The following CACNA1D variants were observed in gnomAD, a reference collection of about 807,000 sequenced individuals.
CACNA1D encodes the protein calcium voltage-gated channel subunit alpha1 D, also known as voltage-dependent L-type calcium channel subunit alpha-1D.
Under a neutral mutation model 257.1 loss-of-function variants are expected in CACNA1D, and 55 were observed. That is an observed-to-expected ratio of 0.21 (90% CI 0.17 to 0.27). The LOEUF (loss-of-function observed/expected upper bound fraction) is 0.27, where lower values mean the gene tolerates loss of function less well. Among genes scored for constraint, CACNA1D ranks in the 10% least tolerant of loss-of-function variants. The pLI is 1.00. For synonymous variants in CACNA1D, 980 were observed against 1,014.9 expected, an observed-to-expected ratio of 0.97 and a Z score of 0.65; for missense variants, 1,876 against 2,784.0, an observed-to-expected ratio of 0.67 and a Z score of 7.34.
chr3:53,676,329 C>T (rs1409392917), intron 8 of CACNA1D, among the ~76,000 whole-genome samples: 2 of 151,978 alleles, frequency 1.3e-5, no homozygotes, highest in African/African-American at 4.8e-5. Context: ...CTCTTACTTT[C>T]CCATTGATAT....
At chr3:53,738,057 G>T (rs79926124) in intron 20 of CACNA1D, among the ~76,000 whole-genome samples, 2 of 152,182 alleles carry the variant, frequency 1.3e-5, no homozygotes, top group African/African-American at 4.8e-5. Flanking sequence ...AGATATTATC[G>T]TGCAGTTTCA....
Position 53,780,022 on chromosome 3 carries a change from A to G in CACNA1D, c.4588-4A>G, listed in dbSNP as rs1038447452. The G allele has an allele frequency of 1.9e-6, 3 of 1,600,930 alleles. No homozygotes were observed. The highest frequency in any genetic ancestry group is 2.6e-6 in the Non-Finnish European group (3 of 1,167,952). ...TACAAAGAAACCTTCCTTTCTGTTT[A>G]CAGAGATTAGTTGCCATGAACATGC... On this transcript the variant is annotated splice_polypyrimidine_tract_variant and splice_region_variant and intron_variant, in intron 37 of 47. Coordinates refer to ENST00000350061, the MANE Select transcript of CACNA1D (RefSeq NM_001128840.3).
At chr3:53,718,482 G>T in intron 10 of CACNA1D, 94 bp downstream of exon 10, 1 of 1,230,888 alleles carries the variant, frequency 8.1e-7, no homozygotes. Context: ...AGAGCCCCGG[G>T]CCATCGCCTT....
chr3:53,774,134 A>G lies in CACNA1D; in HGVS notation c.4111-453A>G, dbSNP rs1243836215. ...ATGCTGTCACCCTGCTCCTATGCAC[A>G]TGGTGCTCCCTCCACCCGAAACACT... On this transcript the variant is annotated intron_variant, in intron 33 of 47. Coordinates refer to ENST00000350061, the MANE Select transcript of CACNA1D (RefSeq NM_001128840.3). The surrounding 1 kb of genome is among the most constrained non-coding windows in gnomAD (Gnocchi z 4.3). 4.8e-6 allele frequency: 1 copy of G among 209,132 alleles called. No individual in the cohort carries two copies. The highest frequency in any genetic ancestry group is 9.8e-6 in the Non-Finnish European group (1 of 102,548). 13.0% of individuals were successfully genotyped at this position (209,132 alleles called of 1,614,324 possible).
intron 8 of CACNA1D, among the ~76,000 whole-genome samples, chr3:53,684,338 A>G (rs569543216): frequency 4.2e-4 from 64 of 152,306 alleles, no homozygotes; most frequent in Non-Finnish European, 7.8e-4. Context: ...AACGAGGAGC[A>G]TGGCCGGGCA....
chr3:53,670,598 G>A (rs934013026), intron 7 of CACNA1D, among the ~76,000 whole-genome samples: 1 of 152,176 alleles, frequency 6.6e-6, no homozygotes, highest in African/African-American at 2.4e-5. Flanking sequence ...ACCTGCCTTG[G>A]CCTCCCAAAG....
chr3:53,812,702 T>C lies in CACNA1D; in HGVS notation c.*1296T>C, dbSNP rs2095605938. 1 of 152,262 alleles carries C rather than the reference T, an allele frequency of 6.6e-6. No homozygotes were observed. Among genetic ancestry groups the C allele is most frequent in the Non-Finnish European group, 1.5e-5 (1 of 68,064 alleles). 9.4% of individuals were successfully genotyped at this position (152,262 alleles called of 1,614,324 possible). A position where few individuals can be genotyped will look rare whatever the true frequency, so the allele number is the denominator to read the frequency against. On this transcript the variant is annotated 3_prime_UTR_variant, in exon 48 of 48. Transcript: ENST00000350061. ...CCCAGGGTGTTTTTTGCATCGCTGG[T>C]GCAGAAATGCATAGGTGGATGAGAT...
intron 3 of CACNA1D, among the ~76,000 whole-genome samples, chr3:53,588,651 G>A (rs1013995437): frequency 7.2e-5 from 11 of 152,154 alleles, no homozygotes; most frequent in African/African-American, 2.7e-4. Context: ...CAAAGGCCCT[G>A]GTGAGGATGT....
chr3:53,783,825 A>G (rs2095438766), intron 39 of CACNA1D, among the ~76,000 whole-genome samples: 1 of 152,196 alleles, frequency 6.6e-6, no homozygotes, highest in Admixed American at 6.5e-5. Context: ...GGATATTTGC[A>G]TACCCCTCTG....
intron 8 of CACNA1D, among the ~76,000 whole-genome samples, chr3:53,686,665 A>G (rs1447632109): frequency 6.6e-6 from 1 of 151,874 alleles, no homozygotes; most frequent in East Asian, 1.9e-4. Flanking sequence ...ATATGCAAAA[A>G]CTTCCTCAGC....
chr3:53,725,253 C>G (rs2094924100), intron 14 of CACNA1D, among the ~76,000 whole-genome samples: 2 of 152,112 alleles, frequency 1.3e-5, no homozygotes, highest in South Asian at 4.1e-4. Context: ...TTTGAGTGTC[C>G]TCAAGAGCCT....
chr3:53,715,046 T>C (rs958893630), intron 9 of CACNA1D, among the ~76,000 whole-genome samples: 7 of 152,162 alleles, frequency 4.6e-5, no homozygotes, highest in African/African-American at 1.7e-4. Flanking sequence ...AAAGGATAAG[T>C]GTGATATTTC....
chr3:53,495,301 C>T lies in CACNA1D; in HGVS notation c.67+68C>T. The T allele has an allele frequency of 3.1e-6, 5 of 1,595,438 alleles. No homozygotes were observed. In the East Asian group the frequency reaches 1.1e-4, roughly 36 times the overall value. ...TGTCATGGTCCTCCAGCCCCCTCCCCCTTCCCCGCGGCGCTGGATGGGTTG... is the reference window on the plus strand; with the variant it reads ...TGTCATGGTCCTCCAGCCCCCTCCCTCTTCCCCGCGGCGCTGGATGGGTTG... On this transcript the variant is annotated intron_variant, in intron 1 of 47. Transcript: ENST00000350061. The surrounding 1 kb of genome is among the most constrained non-coding windows in gnomAD (Gnocchi z 5.1).
intron 3 of CACNA1D, among the ~76,000 whole-genome samples, chr3:53,619,358 G>A (rs758483583): frequency 6.6e-6 from 1 of 152,214 alleles, no homozygotes; most frequent in Non-Finnish European, 1.5e-5. Flanking sequence ...CCTCTGTGAA[G>A]ATCATAGGTT....
chr3:53,695,093 A>T (rs2094561545), intron 8 of CACNA1D, among the ~76,000 whole-genome samples: 1 of 152,230 alleles, frequency 6.6e-6, no homozygotes, highest in African/African-American at 2.4e-5. Flanking sequence ...CTTGGCTGCC[A>T]GGTCCAAGAG....
chr3:53,718,482 G>C, intron 10 of CACNA1D, 94 bp downstream of exon 10: 1 of 1,230,888 alleles, frequency 8.1e-7, no homozygotes, highest in South Asian at 1.2e-5. Context: ...AGAGCCCCGG[G>C]CCATCGCCTT....
chr3:53,798,306 TGC>T (rs4026493), intron 40 of CACNA1D, among the ~76,000 whole-genome samples: 11 of 125,658 alleles, frequency 8.8e-5, no homozygotes, highest in Admixed American at 1.7e-4. Context: ...TGTGTATGTG[TGC>T]GTGTGTGTGT....
chr3:53,513,172 T>C (rs1042213513), intron 3 of CACNA1D, among the ~76,000 whole-genome samples: 2 of 152,210 alleles, frequency 1.3e-5, no homozygotes, highest in Non-Finnish European at 2.9e-5. Context: ...CTGACATTGC[T>C]GAGCTAGGTG....
chr3:53,627,386 G>A (rs938069778), intron 3 of CACNA1D, among the ~76,000 whole-genome samples: 1 of 152,222 alleles, frequency 6.6e-6, no homozygotes, highest in Non-Finnish European at 1.5e-5. Flanking sequence ...TAGCACAGGC[G>A]AGCGGAGCAG....
Sources: gnomAD v4.1 joint callset for allele counts (sites outside exome capture counted in the v4.1 genomes callset) on GRCh38, gnomAD v4.1.1 for gene constraint, Gnocchi (gnomAD v3.1) non-coding constraint, MANE v1.5 for transcripts, NCBI Gene and HGNC (gene_info 2026-07-23, HGNC 2026-07-21) for gene names.